The following COBLL1 variants were observed in gnomAD, a reference collection of about 807,000 sequenced individuals.
COBLL1 encodes cordon-bleu protein-like 1.
Under a neutral mutation model 94.8 loss-of-function variants are expected in COBLL1, and 50 were observed. The ratio of observed to expected loss-of-function variants is 0.53; its 90% CI spans 0.42 to 0.67. The LOEUF (loss-of-function observed/expected upper bound fraction) is 0.67, where lower values mean the gene tolerates loss of function less well. Ranked by LOEUF, COBLL1 falls within the 30% of genes least tolerant of loss-of-function variation. COBLL1 has a pLI of 0.00. For synonymous variants in COBLL1, 448 were observed against 473.8 expected (o/e 0.95, Z 0.71); for missense variants, 1,362 against 1,348.7 (o/e 1.01, Z -0.15).
At chr2:164,674,351 G>A (rs1001833467) in intron 1 of COBLL1, among the ~76,000 whole-genome samples, 8 of 151,990 alleles carry the variant, frequency 5.3e-5, no homozygotes, top group Non-Finnish European at 7.4e-5. Context: ...GAACCACTGC[G>A]CCCAGCCAAA....
intron 2 of COBLL1, among the ~76,000 whole-genome samples, chr2:164,803,509 G>A (rs1683924163): frequency 6.6e-6 from 1 of 150,872 alleles, no homozygotes; most frequent in African/African-American, 2.4e-5. Context: ...AGCTTGCAGT[G>A]AGCCGAGATC....
chr2:164,735,767 G>A lies in COBLL1; in HGVS notation c.231-5652C>T, dbSNP rs529654879. On this transcript the variant is annotated intron_variant, in intron 3 of 13. Transcript: ENST00000652658. ...GTTGGATAATCATCCCCTAGTTGAT[G>A]CACCTGAAGGCAGTTGGCTAATGGG... 2.6e-5 allele frequency among the ~76,000 whole-genome samples: 4 copies of A among 151,958 alleles called. No homozygotes were observed. In the East Asian group the frequency reaches 7.7e-4, roughly 29 times the overall value.
At chr2:164,829,959 T>C (rs1682990823) in intron 2 of COBLL1, among the ~76,000 whole-genome samples, 1 of 152,192 alleles carries the variant, frequency 6.6e-6, no homozygotes, top group Admixed American at 6.5e-5. Flanking sequence ...TAGGTCCATA[T>C]TGGTGTGACA....
At chr2:164,737,174 AAAATT>A (rs761872304) in intron 3 of COBLL1, among the ~76,000 whole-genome samples, 6 of 152,186 alleles carry the variant, frequency 3.9e-5, no homozygotes, top group Non-Finnish European at 7.3e-5. Context: ...GAAAAATTTA[AAAATT>A]AAATTAAGTT....
chr2:164,750,768 G>C (rs1687085648), intron 2 of COBLL1, among the ~76,000 whole-genome samples: 1 of 152,096 alleles, frequency 6.6e-6, no homozygotes, highest in South Asian at 2.1e-4. Context: ...AGCTAGCCTG[G>C]TGGTTCTCAA....
intron 2 of COBLL1, among the ~76,000 whole-genome samples, chr2:164,809,549 A>G (rs1235708125): frequency 6.6e-6 from 1 of 152,020 alleles, no homozygotes; most frequent in Non-Finnish European, 1.5e-5. Flanking sequence ...CAAATAGCCA[A>G]CTCTCAGGGT....
At chr2:164,813,878 G>A (rs1684580800) in intron 2 of COBLL1, among the ~76,000 whole-genome samples, 1 of 152,128 alleles carries the variant, frequency 6.6e-6, no homozygotes, top group South Asian at 2.1e-4. Flanking sequence ...ACCAGCATGT[G>A]CTTTACACAG....
chr2:164,660,462 ACT>A (rs1691053474), intron 2 of COBLL1, among the ~76,000 whole-genome samples: 1 of 152,126 alleles, frequency 6.6e-6, no homozygotes, highest in African/African-American at 2.4e-5. Context: ...CAAATCCCTG[ACT>A]CTGACCCAGT....
chr2:164,663,653 C>T (rs1691105063), intron 2 of COBLL1, among the ~76,000 whole-genome samples: 1 of 152,174 alleles, frequency 6.6e-6, no homozygotes, highest in Non-Finnish European at 1.5e-5. Flanking sequence ...TTTGCAGAAA[C>T]ATGGATGCCC....
chr2:164,817,902 T>TAAAA (rs1308421686), intron 2 of COBLL1, among the ~76,000 whole-genome samples: 1 of 152,184 alleles, frequency 6.6e-6, no homozygotes, highest in Admixed American at 6.5e-5. Flanking sequence ...ATCATCCTTT[T>TAAAA]AAGTTCACTT....
chr2:164,754,443 G>A (rs1386275438), intron 2 of COBLL1, among the ~76,000 whole-genome samples: 1 of 152,166 alleles, frequency 6.6e-6, no homozygotes, highest in African/African-American at 2.4e-5. Flanking sequence ...TGCTCTGAGA[G>A]AATCCAGCTG....
chr2:164,693,641 T>C (rs1028970324), intron 12 of COBLL1, among the ~76,000 whole-genome samples: 12 of 152,110 alleles, frequency 7.9e-5, no homozygotes, highest in Admixed American at 3.9e-4. Context: ...TAAGGTTAGA[T>C]AGTGGTTAGA....
At chr2:164,783,631 A>G (rs1191261110) in intron 2 of COBLL1, among the ~76,000 whole-genome samples, 2 of 152,108 alleles carry the variant, frequency 1.3e-5, no homozygotes, top group Non-Finnish European at 2.9e-5. Context: ...TAGTGGTTTC[A>G]GACACTTTCA....
intron 13 of COBLL1, among the ~76,000 whole-genome samples, chr2:164,688,264 T>G (rs1401329258): frequency 1.3e-5 from 2 of 152,208 alleles, no homozygotes; most frequent in African/African-American, 4.8e-5. Context: ...TTTACTAAAC[T>G]TTTAAACACA....
chr2:164,803,228 G>A, intron 2 of COBLL1, among the ~76,000 whole-genome samples: 1 of 152,124 alleles, frequency 6.6e-6, no homozygotes, highest in East Asian at 1.9e-4. Flanking sequence ...AAATGTATTA[G>A]TAATATGTGA....
At chr2:164,678,262 T>C (rs146648761), downstream of COBLL1, among the ~76,000 whole-genome samples, 46 of 152,144 alleles carry the variant, frequency 3.0e-4, no homozygotes, top group African/African-American at 1.1e-3. Flanking sequence ...TTTTGACCAA[T>C]GGAACAGGAA....
intron 2 of COBLL1, among the ~76,000 whole-genome samples, chr2:164,801,211 A>G (rs7591778): frequency 0.35 from 53,609 of 151,038 alleles, 9,701 homozygotes; most frequent in Admixed American, 0.41. Context: ...AGGCCGAGGC[A>G]GGCGGATCAC....
chr2:164,810,585 T>C (rs1684414577), intron 2 of COBLL1, among the ~76,000 whole-genome samples: 1 of 151,658 alleles, frequency 6.6e-6, no homozygotes, highest in Non-Finnish European at 1.5e-5. Flanking sequence ...TATGGTAACA[T>C]TGAAGTTAAT....
chr2:164,759,733 C>A (rs1434806727), intron 2 of COBLL1, among the ~76,000 whole-genome samples: 1 of 152,058 alleles, frequency 6.6e-6, no homozygotes, highest in Non-Finnish European at 1.5e-5. Flanking sequence ...AACAATCCAG[C>A]CATGAGATGG....
Sources: gnomAD v4.1 joint callset for allele counts (sites outside exome capture counted in the v4.1 genomes callset) on GRCh38, gnomAD v4.1.1 for gene constraint, MANE v1.5 for transcripts, NCBI Gene and HGNC (gene_info 2026-07-23, HGNC 2026-07-21) for gene names.